Variants in TMEM260 observed in about 807,000 individuals in gnomAD.
The protein encoded by TMEM260 is transmembrane protein 260, also known as protein O-mannosyl-transferase TMEM260.
Under a neutral mutation model 88.9 loss-of-function variants are expected in TMEM260, and 82 were observed. That is an observed-to-expected ratio of 0.92 (90% CI 0.77 to 1.11). TMEM260 has a LOEUF of 1.11. TMEM260 is among the 50% of genes least tolerant of loss of function. The probability of loss-of-function intolerance (pLI) is 0.00; values close to 1 mark genes in which losing one functional copy is unlikely to be tolerated. For synonymous variants in TMEM260, 314 were observed against 309.3 expected, an observed-to-expected ratio of 1.02 and a Z score of -0.16; for missense variants, 902 against 853.4, an observed-to-expected ratio of 1.06 and a Z score of -0.71.
chr14:56,625,621 A>G (rs747021235), intron 12 of TMEM260, 91 bp downstream of exon 12: 4 of 954,496 alleles, frequency 4.2e-6, no homozygotes, highest in Middle Eastern at 2.9e-4. Context: ...CAAAAGACCA[A>G]TTTTCTCTGC....
chr14:56,629,542 T>C (rs1888452381), intron 12 of TMEM260, among the ~76,000 whole-genome samples: 1 of 151,152 alleles, frequency 6.6e-6, no homozygotes, highest in African/African-American at 2.4e-5. Context: ...TCTTCAATCC[T>C]GATATTCCAC....
At chr14:56,580,728 G>T (rs1885072584) in intron 1 of TMEM260, among the ~76,000 whole-genome samples, 1 of 152,186 alleles carries the variant, frequency 6.6e-6, no homozygotes, top group South Asian at 2.1e-4. Context: ...AAAAAGAAAA[G>T]CATGACTCAT....
downstream of TMEM260, among the ~76,000 whole-genome samples, chr14:56,652,650 CAGTT>C (rs1248885451): frequency 2.0e-5 from 3 of 152,066 alleles, no homozygotes; most frequent in Non-Finnish European, 2.9e-5. Context: ...GTTTTCAAAA[CAGTT>C]CGTTCTTAAA....
intron 3 of TMEM260, 123 bp downstream of exon 3, chr14:56,586,035 T>A: frequency 3.9e-6 from 4 of 1,023,696 alleles, no homozygotes; most frequent in Non-Finnish European, 4.2e-6. Context: ...GTGATTTCAC[T>A]TTCTTAATTT....
intron 15 of TMEM260, among the ~76,000 whole-genome samples, chr14:56,644,241 A>G (rs1350750677): frequency 2.0e-5 from 3 of 152,206 alleles, no homozygotes; most frequent in Admixed American, 2.0e-4. Context: ...GCATCACACT[A>G]CCTGACTTCA....
chr14:56,646,531 G>A (rs1889978429), intron 15 of TMEM260, among the ~76,000 whole-genome samples: 1 of 152,098 alleles, frequency 6.6e-6, no homozygotes, highest in Admixed American at 6.5e-5. Flanking sequence ...AGAAAACTCA[G>A]TATAAAAAAA....
downstream of TMEM260, among the ~76,000 whole-genome samples, chr14:56,653,741 C>CAAAAAACAAAAAAACA (rs57277000): frequency 0.038 from 3,739 of 97,910 alleles, 178 homozygotes; most frequent in East Asian, 0.17. Flanking sequence ...GTCTCCAAAA[C>CAAAAAACAAAAAAACA]AAAAAAAAAA....
chr14:56,659,610 T>G, the TMEM260 span, among the ~76,000 whole-genome samples: 2 of 152,120 alleles, frequency 1.3e-5, no homozygotes, highest in Non-Finnish European at 2.9e-5. Flanking sequence ...TAAATTCCCC[T>G]CAAAGCCACT....
At chr14:56,615,684 A>G (rs1213005745) in intron 7 of TMEM260, 1 of 398,086 alleles carries the variant, frequency 2.5e-6, no homozygotes, top group Non-Finnish European at 4.5e-6. Flanking sequence ...AATATAAAAA[A>G]TACAGAAGAA....
intron 1 of TMEM260, among the ~76,000 whole-genome samples, chr14:56,584,557 G>A (rs1242084150): frequency 6.6e-6 from 1 of 152,160 alleles, no homozygotes; most frequent in East Asian, 1.9e-4. Context: ...CCAAATGCCA[G>A]TTTTAGGGTA....
intron 13 of TMEM260, 79 bp downstream of exon 13, chr14:56,633,250 G>T: frequency 2.5e-6 from 3 of 1,223,088 alleles, no homozygotes; most frequent in Non-Finnish European, 3.4e-6. Flanking sequence ...ATTTTGAGAT[G>T]CCTTCTAATT....
chr14:56,633,814 ACTAT>A (rs1005439557), intron 13 of TMEM260, among the ~76,000 whole-genome samples: 4 of 152,214 alleles, frequency 2.6e-5, no homozygotes, highest in African/African-American at 9.6e-5. Context: ...ACACAGAGTC[ACTAT>A]CTAAAGAAAT....
At chr14:56,607,417 G>GA (rs1479849024) in intron 5 of TMEM260, among the ~76,000 whole-genome samples, 1 of 152,180 alleles carries the variant, frequency 6.6e-6, no homozygotes, top group Non-Finnish European at 1.5e-5. Context: ...AGAGAGTGAT[G>GA]AAATTGTGAA....
At chr14:56,663,080 G>C in the TMEM260 span, among the ~76,000 whole-genome samples, 1 of 152,136 alleles carries the variant, frequency 6.6e-6, no homozygotes, top group South Asian at 2.1e-4. This position sits in a 1 kb window ranked among gnomAD's most constrained non-coding sequence, Gnocchi z 4.1. Flanking sequence ...GGTGAGCCAA[G>C]ATCGCGCTGT....
chr14:56,596,406 G>GTGTGTGTGTGTATATATA (rs1290307932), intron 3 of TMEM260, among the ~76,000 whole-genome samples: 1 of 111,320 alleles, frequency 9.0e-6, no homozygotes, highest in East Asian at 2.3e-4. Flanking sequence ...GTGTGTGTGT[G>GTGTGTGTGTGTATATATA]TATATATATA....
At chr14:56,608,925 A>G (rs1183955782) in intron 5 of TMEM260, among the ~76,000 whole-genome samples, 181 bp from the exon 6 acceptor site, 2 of 152,208 alleles carry the variant, frequency 1.3e-5, no homozygotes, top group Non-Finnish European at 2.9e-5. Flanking sequence ...AGGCTGATGC[A>G]ATTTTCTAGT....
chr14:56,608,356 A>T (rs1887043662), intron 5 of TMEM260, among the ~76,000 whole-genome samples: 1 of 152,210 alleles, frequency 6.6e-6, no homozygotes, highest in African/African-American at 2.4e-5. Context: ...CTTGGTTCAG[A>T]TACACAGGAA....
At position 56,630,998 on chromosome 14, in the gene TMEM260, A is replaced by C. The variant is rs911317213; in HGVS notation, c.1548-1997A>C. Among the ~76,000 whole-genome samples the C allele has an allele frequency of 2.0e-5, 3 of 152,142 alleles. No homozygotes were observed. In the East Asian group the frequency reaches 5.8e-4, roughly 29 times the overall value. ...GCGAGTGTGTGAGTTACTGGCAGCA[A>C]ACCCATACAGGGCTGCAGCAACCTC... On this transcript the variant is annotated intron_variant, in intron 12 of 15. Transcript: ENST00000261556.
chr14:56,597,799 C>T (rs1886337755), intron 3 of TMEM260, among the ~76,000 whole-genome samples: 1 of 151,938 alleles, frequency 6.6e-6, no homozygotes, highest in South Asian at 2.1e-4. Flanking sequence ...ATGAAATTGG[C>T]AGGATGTGTT....
Sources: allele counts gnomAD v4.1 joint callset (sites outside exome capture counted in the v4.1 genomes callset), GRCh38; gene constraint gnomAD v4.1.1; non-coding constraint Gnocchi (gnomAD v3.1); transcripts MANE v1.5; gene names NCBI Gene and HGNC (gene_info 2026-07-23, HGNC 2026-07-21).